The following NAV2 variants were observed in gnomAD, a reference collection of about 807,000 sequenced individuals.
The protein encoded by NAV2 is neuron navigator 2, also known as helicase, APC down-regulated 1.
Under a neutral mutation model 223.2 loss-of-function variants are expected in NAV2, and 54 were observed. That is an observed-to-expected ratio of 0.24 (90% CI 0.19 to 0.30). The LOEUF is 0.30. Ranked by LOEUF, NAV2 falls within the 10% of genes least tolerant of loss-of-function variation. The pLI, the probability that NAV2 is intolerant of heterozygous loss-of-function variation, is 1.00. For synonymous variants in NAV2, 1,279 were observed against 1,239.3 expected (o/e 1.03, Z -0.67); for missense variants, 2,806 against 3,147.5 (o/e 0.89, Z 2.60).
chr11:19,366,447 T>C (rs1215226191), intron 1 of NAV2, among the ~76,000 whole-genome samples: 1 of 151,816 alleles, frequency 6.6e-6, no homozygotes, highest in Non-Finnish European at 1.5e-5. Context: ...TAGCTTTCCT[T>C]GGGATGCTAG....
chr11:19,859,274 A>G (rs2061556429), intron 3 of NAV2, among the ~76,000 whole-genome samples: 1 of 148,606 alleles, frequency 6.7e-6, no homozygotes, highest in African/African-American at 2.5e-5. Context: ...TTTCCTAGGC[A>G]GAGGACCCTG....
At chr11:20,080,861 G>C (rs938244725) in intron 25 of NAV2, among the ~76,000 whole-genome samples, 1 of 152,136 alleles carries the variant, frequency 6.6e-6, no homozygotes, top group African/African-American at 2.4e-5. Context: ...GCCTTGAGTG[G>C]TTTTTTCCAC....
At chr11:19,919,735 G>C (rs1367022250) in intron 6 of NAV2, among the ~76,000 whole-genome samples, 1 of 152,188 alleles carries the variant, frequency 6.6e-6, no homozygotes. Flanking sequence ...TTAATCTCAG[G>C]ATTTTGCAGT....
chr11:20,070,488 G>A (rs2059332309), intron 22 of NAV2, among the ~76,000 whole-genome samples: 1 of 152,182 alleles, frequency 6.6e-6, no homozygotes, highest in African/African-American at 2.4e-5. Context: ...CTCTGTTCTA[G>A]AAGAGTCAGA....
intron 3 of NAV2, among the ~76,000 whole-genome samples, chr11:19,844,302 C>G (rs1285355836): frequency 1.3e-5 from 2 of 152,228 alleles, no homozygotes; most frequent in Admixed American, 6.5e-5. Context: ...AGGATAGATA[C>G]TGATGCAATT....
chr11:19,728,324 G>A (rs917929469), intron 1 of NAV2, among the ~76,000 whole-genome samples: 6 of 152,196 alleles, frequency 3.9e-5, no homozygotes, highest in Non-Finnish European at 8.8e-5. Context: ...CACCAGCCGT[G>A]TGTAGAATTG....
At chr11:19,410,881 A>G (rs1237309482) in intron 1 of NAV2, among the ~76,000 whole-genome samples, 1 of 152,048 alleles carries the variant, frequency 6.6e-6, no homozygotes, top group Non-Finnish European at 1.5e-5. Flanking sequence ...TTGTTTGCCA[A>G]TGAAGAGAAT....
At chr11:20,025,806 G>A (rs1055431674) in intron 11 of NAV2, among the ~76,000 whole-genome samples, 1 of 152,192 alleles carries the variant, frequency 6.6e-6, no homozygotes, top group African/African-American at 2.4e-5. Context: ...ATCCATTTAT[G>A]GCAGTAAGAA....
At chr11:19,355,603 C>T (rs936322952) in intron 1 of NAV2, among the ~76,000 whole-genome samples, 2 of 152,196 alleles carry the variant, frequency 1.3e-5, no homozygotes, top group African/African-American at 4.8e-5. Context: ...CCACCTTCTT[C>T]AATCAGTAGT....
intron 11 of NAV2, among the ~76,000 whole-genome samples, chr11:20,012,399 G>A (rs1015903464): frequency 7.9e-5 from 12 of 152,152 alleles, no homozygotes; most frequent in African/African-American, 2.9e-4. Context: ...CTCATGGCCG[G>A]GCACAGTGGC....
chr11:19,770,198 T>G (rs182081206), intron 1 of NAV2, among the ~76,000 whole-genome samples: 1 of 152,300 alleles, frequency 6.6e-6, no homozygotes, highest in East Asian at 1.9e-4. Context: ...GCTTCAACAA[T>G]AGCTATCCAT....
chr11:19,865,081 A>G (rs1240816672), intron 3 of NAV2, among the ~76,000 whole-genome samples: 1 of 152,232 alleles, frequency 6.6e-6, no homozygotes, highest in Non-Finnish European at 1.5e-5. Flanking sequence ...AATTTTGGAA[A>G]GTAGTTTATA....
chr11:19,411,681 G>A (rs1289411438), intron 1 of NAV2, among the ~76,000 whole-genome samples: 1 of 152,142 alleles, frequency 6.6e-6, no homozygotes, highest in African/African-American at 2.4e-5. Context: ...ATAGCCAGCT[G>A]TTGGATCTGC....
In NAV2 at chr11:20,055,939, C is replaced by T. The variant is rs376598293; in HGVS notation, c.4813C>T (p.Arg1605Trp). Residue 1605 changes from arginine to tryptophan, a missense_variant, in exon 19 of 38, where the codon CGG becomes TGG. Around this residue, in one of 4 missense-constraint regions of NAV2, gnomAD observed 824 missense variants for 1,069.4 expected, o/e 0.77. Transcript: ENST00000349880. Reference sequence around the variant, plus strand: ...AACCATGAGCCGTTCAGGCTCATTCCGGGATGGGTTTGAAGAAGGTAAGGA... The same window carrying T: ...AACCATGAGCCGTTCAGGCTCATTCTGGGATGGGTTTGAAGAAGGTAAGGA... ...SRTMSRSGSF[R>W]DGFEEVHGSS... is the part of the protein sequence containing the mutation. 4.7e-5 allele frequency: 76 copies of T among 1,613,678 alleles called. No individual in the cohort carries two copies. Among genetic ancestry groups the T allele is most frequent in the African/African-American group, 6.7e-5 (5 of 74,908 alleles).
intron 1 of NAV2, among the ~76,000 whole-genome samples, chr11:19,750,207 C>T (rs1002978386): frequency 5.9e-5 from 9 of 152,160 alleles, no homozygotes; most frequent in African/African-American, 1.9e-4. Flanking sequence ...GCTCATCTCA[C>T]CCCCAGTTTT....
chr11:19,733,997 C>T (rs775723138), intron 1 of NAV2, among the ~76,000 whole-genome samples: 3 of 152,252 alleles, frequency 2.0e-5, no homozygotes, highest in Non-Finnish European at 4.4e-5. Context: ...TAATTAGCCC[C>T]ATTTTTAGTT....
intron 11 of NAV2, among the ~76,000 whole-genome samples, chr11:20,015,775 G>T (rs2053952020): frequency 6.6e-6 from 1 of 152,190 alleles, no homozygotes; most frequent in Non-Finnish European, 1.5e-5. Flanking sequence ...AGCGACTATA[G>T]TGTGGAATTT....
At chr11:19,740,845 G>A (rs1469505282) in intron 1 of NAV2, among the ~76,000 whole-genome samples, 1 of 152,216 alleles carries the variant, frequency 6.6e-6, no homozygotes, top group African/African-American at 2.4e-5. Context: ...TGCAGATGAG[G>A]AAGCTGATGC....
intron 1 of NAV2, among the ~76,000 whole-genome samples, chr11:19,676,648 T>A (rs1295699775): frequency 6.6e-6 from 1 of 152,192 alleles, no homozygotes; most frequent in Non-Finnish European, 1.5e-5. Flanking sequence ...CGTCATGCAC[T>A]CTATGGGGTG....
Sources: allele counts gnomAD v4.1 joint callset (sites outside exome capture counted in the v4.1 genomes callset), GRCh38; gene constraint gnomAD v4.1.1; regional missense constraint gnomAD v4.1.1; transcripts MANE v1.5; gene names NCBI Gene and HGNC (gene_info 2026-07-23, HGNC 2026-07-21).